The following ZNF609 variants were observed in gnomAD, a reference collection of about 807,000 sequenced individuals.
The protein encoded by ZNF609 is zinc finger protein 609.
In ZNF609, 11 loss-of-function variants were observed where a neutral mutation model predicts 109.5. The ratio of observed to expected loss-of-function variants is 0.10; its 90% confidence interval spans 0.06 to 0.17. The LOEUF (loss-of-function observed/expected upper bound fraction) is 0.17. Ranked by LOEUF, ZNF609 falls within the 10% of genes least tolerant of loss-of-function variation. The pLI, the probability that ZNF609 is intolerant of heterozygous loss-of-function variation, is 1.00. For synonymous variants in ZNF609, 646 were observed against 662.0 expected, an observed-to-expected ratio of 0.98 and a Z score of 0.37; for missense variants, 1,559 against 1,772.4, an observed-to-expected ratio of 0.88 and a Z score of 2.16.
At chr15:64,580,834 C>G (rs922677927) in intron 2 of ZNF609, among the ~76,000 whole-genome samples, 5 of 151,550 alleles carry the variant, frequency 3.3e-5, no homozygotes, top group African/African-American at 1.2e-4. Flanking sequence ...CGCCCAGCCT[C>G]TCAGTTCTTT....
At chr15:64,612,191 A>G (rs1895727096) in intron 2 of ZNF609, among the ~76,000 whole-genome samples, 1 of 151,206 alleles carries the variant, frequency 6.6e-6, no homozygotes, top group Non-Finnish European at 1.5e-5. Flanking sequence ...TCTGTCCCCC[A>G]GGCTGGAGTG....
chr15:64,623,500 C>T (rs1461740816), intron 3 of ZNF609, among the ~76,000 whole-genome samples: 1 of 152,104 alleles, frequency 6.6e-6, no homozygotes, highest in Non-Finnish European at 1.5e-5. Context: ...TTTTTAACAC[C>T]TATAGGTACA....
intron 1 of ZNF609, among the ~76,000 whole-genome samples, chr15:64,495,191 C>T (rs1047575663): frequency 2.0e-5 from 3 of 152,106 alleles, no homozygotes; most frequent in Admixed American, 6.5e-5. Flanking sequence ...TTATAACTTA[C>T]GGTTTGTCTT....
At chr15:64,588,456 C>A (rs1895239079) in intron 2 of ZNF609, among the ~76,000 whole-genome samples, 2 of 54,026 alleles carry the variant, frequency 3.7e-5, no homozygotes, top group Non-Finnish European at 8.8e-5. Context: ...AAGAGGAAGA[C>A]TGTACAGACT....
chr15:64,531,227 T>G (rs1894056678), intron 2 of ZNF609, among the ~76,000 whole-genome samples: 1 of 152,154 alleles, frequency 6.6e-6, no homozygotes, highest in Admixed American at 6.5e-5. Context: ...TATTGAGTAC[T>G]GAGAGGATAT....
At position 64,477,121 on chromosome 15, in the gene ZNF609, C is replaced by T. The variant is rs1893181285; in HGVS notation, c.-128+16283C>T. Among the ~76,000 whole-genome samples, 6 of 146,400 alleles carry T rather than the reference C, an allele frequency of 4.1e-5. No individual in the cohort carries two copies. In the South Asian group the frequency reaches 1.3e-3, roughly 32 times the overall value. ...GTAAATTTATTTGTTTATTCCCTTG[C>T]TTACTCTTCTCTTTCTTTTTTTTTT... On this transcript the variant is annotated intron_variant, in intron 1 of 9. Coordinates refer to ENST00000326648, the MANE Select transcript of ZNF609 (RefSeq NM_015042.2).
chr15:64,508,780 C>G (rs560830120), intron 2 of ZNF609, among the ~76,000 whole-genome samples: 1 of 151,766 alleles, frequency 6.6e-6, no homozygotes, highest in East Asian at 1.9e-4. Context: ...CCTCAACCTC[C>G]CATGCTCAAG....
intron 3 of ZNF609, among the ~76,000 whole-genome samples, chr15:64,638,363 A>C (rs1173285216): frequency 6.6e-6 from 1 of 151,798 alleles, no homozygotes; most frequent in African/African-American, 2.4e-5. Flanking sequence ...TACTTCTTCA[A>C]GATTGCCTTG....
chr15:64,593,911 TA>T (rs1385387676), intron 2 of ZNF609, among the ~76,000 whole-genome samples: 2 of 152,230 alleles, frequency 1.3e-5, no homozygotes, highest in Non-Finnish European at 2.9e-5. Flanking sequence ...CTCGCCATAT[TA>T]ATAGTTTTGT....
intron 2 of ZNF609, among the ~76,000 whole-genome samples, chr15:64,620,866 T>C (rs1292515402): frequency 6.6e-6 from 1 of 152,202 alleles, no homozygotes; most frequent in Non-Finnish European, 1.5e-5. Context: ...AAGGTGTTTG[T>C]CTCTGTGTGT....
intron 2 of ZNF609, among the ~76,000 whole-genome samples, chr15:64,611,978 G>A (rs1293773292): frequency 5.3e-5 from 8 of 150,460 alleles, no homozygotes; most frequent in Admixed American, 3.3e-4. Context: ...CTCATGATCC[G>A]CCCACCTCAG....
At position 64,675,464 on chromosome 15, in the gene ZNF609, G is replaced by A. The variant is rs769825499; in HGVS notation, c.2610G>A (p.Leu870=). Residue 870 remains leucine, a synonymous_variant, in exon 5 of 10, where the codon TTG becomes TTA. Transcript: ENST00000326648. ...TCAAATCAAAGGACGCCGAACAGTT[G>A]GTTAAAGAAGGGGCTAAGAAAACTC... ...DSVKSKDAEQ[L]VKEGAKKTLF... 1.2e-4 allele frequency: 196 copies of A among 1,614,022 alleles called. No individual in the cohort carries two copies. Among genetic ancestry groups the A allele is most frequent in the Non-Finnish European group, 1.6e-4 (190 of 1,180,044 alleles).
intron 2 of ZNF609, among the ~76,000 whole-genome samples, chr15:64,599,943 C>A (rs757937878): frequency 6.6e-6 from 1 of 152,210 alleles, no homozygotes; most frequent in Non-Finnish European, 1.5e-5. Flanking sequence ...CCTATTCCCT[C>A]TGGCAGTTAT....
intron 2 of ZNF609, among the ~76,000 whole-genome samples, chr15:64,538,454 A>G (rs569939812): frequency 6.6e-5 from 10 of 152,362 alleles, no homozygotes; most frequent in Non-Finnish European, 1.2e-4. Context: ...CATAGAATGT[A>G]TTAGTAAATT....
At chr15:64,512,853 G>A (rs2140358974) in intron 2 of ZNF609, among the ~76,000 whole-genome samples, 1 of 152,124 alleles carries the variant, frequency 6.6e-6, no homozygotes, top group Admixed American at 6.5e-5. Context: ...TTAGGTTTAG[G>A]GATATGTGTT....
intron 3 of ZNF609, among the ~76,000 whole-genome samples, chr15:64,627,921 A>G (rs1895997770): frequency 6.7e-6 from 1 of 149,674 alleles, no homozygotes; most frequent in African/African-American, 2.4e-5. Flanking sequence ...CAGCCTCCCA[A>G]AGTGCTGGGA....
intron 2 of ZNF609, among the ~76,000 whole-genome samples, chr15:64,579,146 C>A (rs1404384737): frequency 6.6e-6 from 1 of 151,958 alleles, no homozygotes; most frequent in African/African-American, 2.4e-5. Context: ...CCATCACAGC[C>A]CTCTTTTGTG....
intron 1 of ZNF609, among the ~76,000 whole-genome samples, chr15:64,474,839 T>A (rs1893143722): frequency 6.6e-6 from 1 of 152,192 alleles, no homozygotes; most frequent in Non-Finnish European, 1.5e-5. Flanking sequence ...TTTGCTTCTT[T>A]CTATAAAATC....
chr15:64,467,894 A>T (rs1428376521), intron 1 of ZNF609, among the ~76,000 whole-genome samples: 2 of 152,204 alleles, frequency 1.3e-5, no homozygotes, highest in African/African-American at 4.8e-5. Flanking sequence ...TATATGAACA[A>T]ATGTTGCTTC....
Sources: gnomAD v4.1 joint callset for allele counts (sites outside exome capture counted in the v4.1 genomes callset) on GRCh38, gnomAD v4.1.1 for gene constraint, MANE v1.5 for transcripts, NCBI Gene and HGNC (gene_info 2026-07-23, HGNC 2026-07-21) for gene names.